Variants in ZNF292 observed in about 807,000 individuals in gnomAD.
ZNF292 encodes the protein 16 zinc-finger domain protein.
ZNF292 carries 26 observed loss-of-function variants against 217.9 expected under a neutral mutation model. The observed-to-expected ratio is 0.12, with a 90% CI of 0.09 to 0.17. The LOEUF (loss-of-function observed/expected upper bound fraction) is 0.17. Among genes scored for constraint, ZNF292 ranks in the 10% least tolerant of loss-of-function variants. ZNF292 has a pLI of 1.00. For synonymous variants in ZNF292, 1,257 were observed against 1,124.1 expected, an observed-to-expected ratio of 1.12 and a Z score of -2.37; for missense variants, 2,904 against 3,175.2, an observed-to-expected ratio of 0.91 and a Z score of 2.05.
At position 87,259,191 on chromosome 6, in the gene ZNF292, C is replaced by T; in HGVS notation, c.5562C>T (p.Ser1854=). 1.2e-6 allele frequency: 2 copies of T among 1,613,604 alleles called. No individual in the cohort carries two copies. Among genetic ancestry groups the T allele is most frequent in the Non-Finnish European group, 1.7e-6 (2 of 1,179,688 alleles). ...LQKLKLENDL[S]TPASQCVLIN... ...AATTAAAATTAGAAAATGACCTATCCACTCCAGCATCCCAATGTGTACTGA... is the reference window on the plus strand; with the variant it reads ...AATTAAAATTAGAAAATGACCTATCTACTCCAGCATCCCAATGTGTACTGA... Residue 1854 remains serine, a synonymous_variant, in exon 8 of 8, where the codon TCC becomes TCT. Coordinates refer to ENST00000369577, the MANE Select transcript of ZNF292 (RefSeq NM_015021.3).
chr6:87,167,882 A>C (rs1770968775), intron 1 of ZNF292, among the ~76,000 whole-genome samples: 1 of 152,362 alleles, frequency 6.6e-6, no homozygotes, highest in African/African-American at 2.4e-5. Flanking sequence ...ATGATTATCC[A>C]GAGTGTAGTC....
chr6:87,160,390 A>G lies in ZNF292; in HGVS notation c.168+4631A>G, dbSNP rs141217566. Among the ~76,000 whole-genome samples the G allele has an allele frequency of 1.7e-3, 254 of 152,184 alleles. 1 individual carries two copies. Among genetic ancestry groups the G allele is most frequent in the Non-Finnish European group, 1.7e-3 (119 of 68,008 alleles). On this transcript the variant is annotated intron_variant, in intron 1 of 7. Transcript: ENST00000369577. ...GACTGGTTGATTGTAACTGTTATTG[A>G]CCATTGATCAGTAGTGATCTGGTGG...
chr6:87,240,338 C>A (rs953681120), intron 5 of ZNF292, among the ~76,000 whole-genome samples: 14 of 80,140 alleles, frequency 1.7e-4, no homozygotes, highest in East Asian at 3.9e-4. Context: ...AGAGGGAGAC[C>A]GTGGAAAGAG....
Position 87,259,088 on chromosome 6 carries a change from C to A in ZNF292, c.5459C>A (p.Pro1820Gln). ...SPFSSFISVM[P>Q]TKSNIPQSEV... ...TTTTCCTCCTTTATAAGTGTCATGC[C>A]AACAAAAAGTAACATTCCTCAGTCT... The change falls in exon 8 of 8, where the codon CCA becomes CAA. Residue 1820 changes from proline (P) to glutamine (Q), a missense_variant. By Grantham distance (76) the Pro-to-Gln change is moderately conservative. Transcript: ENST00000369577. 1 of 1,612,906 alleles carries A rather than the reference C, an allele frequency of 6.2e-7. No homozygotes were observed. Among genetic ancestry groups the A allele is most frequent in the Non-Finnish European group, 8.5e-7 (1 of 1,179,526 alleles).
chr6:87,257,102 C>T lies in ZNF292; in HGVS notation c.3473C>T (p.Pro1158Leu), dbSNP rs1775266276. The T allele has an allele frequency of 6.2e-7, 1 of 1,613,692 alleles. No homozygotes were observed. The highest frequency in any genetic ancestry group is 1.3e-5 in the African/African-American group (1 of 74,902). Residue 1158 changes from proline (P) to leucine (L), a missense_variant, in exon 8 of 8, where the codon CCA becomes CTA. Physicochemically the swap from Pro to Leu is moderately conservative, Grantham distance 98. Coordinates refer to ENST00000369577, the MANE Select transcript of ZNF292 (RefSeq NM_015021.3). ...PNNGKFVYFLPSPVNSSNPFF... is the reference protein window; with the variant it reads ...PNNGKFVYFLLSPVNSSNPFF... ...AATGGAAAGTTTGTTTATTTTTTGCCATCACCGGTGAACAGCTCAAATCCA... is the reference window on the plus strand; with the variant it reads ...AATGGAAAGTTTGTTTATTTTTTGCTATCACCGGTGAACAGCTCAAATCCA...
intron 1 of ZNF292, among the ~76,000 whole-genome samples, chr6:87,165,462 C>T (rs1449126526): frequency 1.3e-5 from 2 of 152,196 alleles, no homozygotes; most frequent in Non-Finnish European, 2.9e-5. Flanking sequence ...TATTTTACTT[C>T]ACCATTTAGT....
chr6:87,203,854 A>G (rs1367995152), intron 1 of ZNF292, among the ~76,000 whole-genome samples: 1 of 152,114 alleles, frequency 6.6e-6, no homozygotes, highest in African/African-American at 2.4e-5. Context: ...CTGGCATAGT[A>G]TGTGAGAGCC....
intron 5 of ZNF292, among the ~76,000 whole-genome samples, chr6:87,241,065 A>G (rs1411692963): frequency 6.6e-6 from 1 of 152,174 alleles, no homozygotes; most frequent in African/African-American, 2.4e-5. Flanking sequence ...CAGGTGGATC[A>G]CGAGGTCAGG....
intron 5 of ZNF292, among the ~76,000 whole-genome samples, chr6:87,234,373 G>A (rs906076981): frequency 5.3e-5 from 8 of 152,020 alleles, no homozygotes; most frequent in Non-Finnish European, 8.8e-5. Flanking sequence ...CCTGGCCAAC[G>A]TAGTGAAACT....
intron 1 of ZNF292, among the ~76,000 whole-genome samples, chr6:87,201,165 G>T (rs1772089147): frequency 6.6e-6 from 1 of 152,090 alleles, no homozygotes; most frequent in African/African-American, 2.4e-5. Flanking sequence ...TATGAATTTT[G>T]TATTATGCAT....
At chr6:87,180,812 C>G (rs1349776134) in intron 1 of ZNF292, among the ~76,000 whole-genome samples, 1 of 152,140 alleles carries the variant, frequency 6.6e-6, no homozygotes, top group Non-Finnish European at 1.5e-5. Context: ...CTCACTCAGC[C>G]CTTGAGTACT....
chr6:87,260,982 T>G lies in ZNF292; in HGVS notation c.7353T>G (p.Ser2451=). The change falls in exon 8 of 8, where the codon TCT becomes TCG. Residue 2451 remains serine (S), a synonymous_variant. Transcript: ENST00000369577. ...GTGCTAAGAATGATGTGAAAGATTC[T>G]GACACGTGTGTATCAGAGAGCAATG... ...QEGAKNDVKD[S]DTCVSESNDN... is the part of the protein sequence containing the mutation. 6.2e-7 allele frequency: 1 copy of G among 1,608,240 alleles called. No homozygotes were observed. Among genetic ancestry groups the G allele is most frequent in the Non-Finnish European group, 8.5e-7 (1 of 1,176,974 alleles).
rs1284195660 is a variant in ZNF292, at chr6:87,215,985, G to A, written c.251G>A (p.Ser84Asn). The A allele has an allele frequency of 1.3e-6, 2 of 1,589,958 alleles. No individual in the cohort carries two copies. The highest frequency in any genetic ancestry group is 1.7e-6 in the Non-Finnish European group (2 of 1,173,596). Residue 84 changes from serine (S) to asparagine (N), a missense_variant, in exon 2 of 8, where the codon AGT becomes AAT. Physicochemically the swap from Ser to Asn is conservative, Grantham distance 46. This residue lies in a region of ZNF292 where 313 missense variants were observed against 451.0 expected (regional missense o/e 0.69). Transcript: ENST00000369577. ...GAGGTATACACAGTGGCTATCCAAAGTTATGTTAAAGCCCGACCTTATCTT... is the reference window on the plus strand; with the variant it reads ...GAGGTATACACAGTGGCTATCCAAAATTATGTTAAAGCCCGACCTTATCTT... Reference protein sequence around the residue: ...LLEVYTVAIQSYVKARPYLTS... With the variant: ...LLEVYTVAIQNYVKARPYLTS...
intron 1 of ZNF292, among the ~76,000 whole-genome samples, chr6:87,193,928 C>A (rs1771887512): frequency 6.6e-6 from 1 of 152,118 alleles, no homozygotes; most frequent in African/African-American, 2.4e-5. Flanking sequence ...ACTAATTTAT[C>A]TTAATGAAAT....
intron 1 of ZNF292, among the ~76,000 whole-genome samples, chr6:87,190,809 A>C (rs1399879770): frequency 1.3e-5 from 2 of 152,168 alleles, no homozygotes; most frequent in African/African-American, 4.8e-5. Flanking sequence ...ACATCTTTGA[A>C]GCTATCTCTC....
At position 87,256,400 on chromosome 6, in the gene ZNF292, C is replaced by T. The variant is rs1348009385; in HGVS notation, c.2771C>T (p.Pro924Leu). ...CCATTGTCAAATGGTTTGGAAAACCCTGCTACTACTCCTCTACTTCAATCC... is the reference window on the plus strand; with the variant it reads ...CCATTGTCAAATGGTTTGGAAAACCTTGCTACTACTCCTCTACTTCAATCC... Reference protein sequence around the residue: ...NGPLSNGLENPATTPLLQSSE... With the variant: ...NGPLSNGLENLATTPLLQSSE... The change falls in exon 8 of 8, where the codon CCT becomes CTT. Residue 924 changes from proline (P) to leucine (L), a missense_variant. Coordinates refer to ENST00000369577, the MANE Select transcript of ZNF292 (RefSeq NM_015021.3). The T allele has an allele frequency of 3.7e-6, 6 of 1,607,734 alleles. No individual in the cohort carries two copies. The highest frequency in any genetic ancestry group is 5.1e-6 in the Non-Finnish European group (6 of 1,179,812).
intron 7 of ZNF292, among the ~76,000 whole-genome samples, chr6:87,248,796 G>A (rs142547157): frequency 4.6e-5 from 7 of 152,296 alleles, no homozygotes; most frequent in Non-Finnish European, 1.0e-4. Flanking sequence ...GAATGGAGGA[G>A]GTTAGGTAAA....
intron 1 of ZNF292, among the ~76,000 whole-genome samples, chr6:87,158,169 G>A (rs1178353611): frequency 6.6e-6 from 1 of 152,170 alleles, no homozygotes; most frequent in Non-Finnish European, 1.5e-5. Context: ...TGCTGGATTT[G>A]TGGATTTCAA....
chr6:87,185,032 C>T (rs959823174), intron 1 of ZNF292, among the ~76,000 whole-genome samples: 3 of 152,152 alleles, frequency 2.0e-5, no homozygotes, highest in African/African-American at 7.2e-5. Context: ...AAAACATCCT[C>T]CCAGACACAC....
Sources: allele counts gnomAD v4.1 joint callset (sites outside exome capture counted in the v4.1 genomes callset), GRCh38; gene constraint gnomAD v4.1.1; regional missense constraint gnomAD v4.1.1; transcripts MANE v1.5; gene names NCBI Gene and HGNC (gene_info 2026-07-23, HGNC 2026-07-21).